The following CSF2RA variants were observed in gnomAD, a reference collection of about 807,000 sequenced individuals.
CSF2RA encodes the protein granulocyte-macrophage colony-stimulating factor receptor subunit alpha.
Under a neutral mutation model 51.6 loss-of-function variants are expected in CSF2RA, and 42 were observed. The observed-to-expected ratio is 0.81, with a 90% CI of 0.64 to 1.05. The LOEUF is 1.05. Among genes scored for constraint, CSF2RA ranks in the 50% least tolerant of loss-of-function variants. CSF2RA has a pLI of 0.00. For missense variants in CSF2RA, 530 were observed against 501.1 expected, an observed-to-expected ratio of 1.06 and a Z score of -0.55; for synonymous variants, 222 against 193.0, an observed-to-expected ratio of 1.15 and a Z score of -1.24.
At chrX:1,316,133 ATAGATAGATGATAGAT>A in the CSF2RA span, among the ~76,000 whole-genome samples, 2 of 150,548 alleles carry the variant, frequency 1.3e-5, no homozygotes, top group African/African-American at 2.5e-5. Context: ...AGACAGATAC[ATAGATAGATGATAGAT>A]TAGATAGATG....
the CSF2RA span, among the ~76,000 whole-genome samples, chrX:1,322,459 T>TTC: frequency 9.4e-4 from 138 of 146,540 alleles, 1 homozygote; most frequent in African/African-American, 3.1e-3. Context: ...TTTTTTTTTT[T>TTC]GAAAGGTAGC....
At chrX:1,314,604 C>A (rs368515966), downstream of CSF2RA, among the ~76,000 whole-genome samples, 1 of 6,368 alleles carries the variant, frequency 1.6e-4, no homozygotes, top group Admixed American at 1.7e-3. Flanking sequence ...CTGCCCAACC[C>A]CACTGCACCT....
chrX:1,316,221 A>G, the CSF2RA span, among the ~76,000 whole-genome samples: 2 of 115,900 alleles, frequency 1.7e-5, no homozygotes, highest in Admixed American at 1.8e-4. Context: ...ACATAGGTAG[A>G]TAGATAGATG....
the CSF2RA span, among the ~76,000 whole-genome samples, chrX:1,323,451 C>G: frequency 1.4e-4 from 21 of 152,196 alleles, no homozygotes; most frequent in Admixed American, 3.9e-4. Flanking sequence ...TCGTCAGTCA[C>G]TAGAGGGCAG....
At position 1,294,506 on chromosome X, in the gene CSF2RA, C is replaced by T. The variant is rs140047222; in HGVS notation, c.780+45C>T. 2,129 of 1,612,050 alleles carry T rather than the reference C, an allele frequency of 1.3e-3. 9 individuals are homozygous for T. Among genetic ancestry groups the T allele is most frequent in the African/African-American group, 0.013 (977 of 74,936 alleles). Reference sequence around the variant, plus strand: ...GGCTGGGCACCAGGAGGGAGGCGTACGGGACACGCCCGCACAGGAGCCTGG... The same window carrying T: ...GGCTGGGCACCAGGAGGGAGGCGTATGGGACACGCCCGCACAGGAGCCTGG... On this transcript the variant is annotated intron_variant, in intron 8 of 12. Transcript: ENST00000381529.
downstream of CSF2RA, among the ~76,000 whole-genome samples, chrX:1,314,268 C>A (rs868047824): frequency 6.3e-5 from 3 of 47,624 alleles, no homozygotes; most frequent in African/African-American, 1.8e-4. Context: ...AACCCCACTG[C>A]GCCTGCCCAA....
At position 1,290,430 on chromosome X, in the gene CSF2RA, C is replaced by T. The variant is rs1219325977; in HGVS notation, c.567C>T (p.Arg189=). Residue 189 remains arginine (R), a synonymous_variant, in exon 7 of 13, where the codon CGC becomes CGT. Transcript: ENST00000381529. ...HLDNLSGLTS[R]NYFLVNGTSR... is the part of the protein sequence containing the mutation. ...ATAACCTGTCAGGATTAACGTCTCG[C>T]AATTACTTTCTGGTTAACGGAACCA... The T allele has an allele frequency of 6.2e-7, 1 of 1,613,706 alleles. No individual in the cohort carries two copies. Among genetic ancestry groups the T allele is most frequent in the African/African-American group, 1.3e-5 (1 of 74,896 alleles).
chrX:1,309,262 C>A, intron 12 of CSF2RA, 140 bp from the exon 13 acceptor site: 1 of 859,844 alleles, frequency 1.2e-6, no homozygotes, highest in Non-Finnish European at 1.9e-6. Flanking sequence ...TTGCAGTGAG[C>A]TGAGATGACA....
At chrX:1,314,243 C>G (rs1186372360), downstream of CSF2RA, among the ~76,000 whole-genome samples, 4,401 of 34,548 alleles carry the variant, frequency 0.13, 217 homozygotes, top group East Asian at 0.23. Context: ...CTGCCCAACC[C>G]CACTGCACCT....
At position 1,300,624 on chromosome X, in the gene CSF2RA, T is replaced by C; in HGVS notation, c.944T>C (p.Phe315Ser). The C allele has an allele frequency of 6.2e-7, 1 of 1,613,794 alleles. No homozygotes were observed. The highest frequency in any genetic ancestry group is 8.5e-7 in the Non-Finnish European group (1 of 1,179,836). Reference protein sequence around the residue: ...NWSSWSEAIEFGSDDGNLGSV... With the variant: ...NWSSWSEAIESGSDDGNLGSV... ...AGCTCCTGGAGTGAAGCCATTGAAT[T>C]TGGTAAGCGTTGGGCGGAGGTAAGG... Residue 315 changes from phenylalanine (F) to serine (S), a missense_variant and splice_region_variant, in exon 10 of 13, where the codon TTT becomes TCT. Coordinates refer to ENST00000381529, the MANE Select transcript of CSF2RA (RefSeq NM_172245.4).
chrX:1,307,351 C>A (rs1202439590), intron 12 of CSF2RA, among the ~76,000 whole-genome samples: 8 of 152,086 alleles, frequency 5.3e-5, no homozygotes, highest in Non-Finnish European at 1.2e-4. Context: ...CACCCTTCCC[C>A]CTTTACACCT....
chrX:1,309,370 G>A (rs777597678), intron 12 of CSF2RA, 32 bp from the exon 13 acceptor site: 2 of 1,605,966 alleles, frequency 1.2e-6, no homozygotes, highest in Admixed American at 1.7e-5. Context: ...AGCTCGTGAA[G>A]ATCTGACAGC....
At chrX:1,287,503 G>C (rs1420548642) in intron 4 of CSF2RA, among the ~76,000 whole-genome samples, 5 of 149,990 alleles carry the variant, frequency 3.3e-5, no homozygotes, top group African/African-American at 4.9e-5. Flanking sequence ...GAGTGCACTG[G>C]CGTGATCTCA....
chrX:1,311,440 TG>T (rs200438383), downstream of CSF2RA, among the ~76,000 whole-genome samples: 62,609 of 135,868 alleles, frequency 0.46, 14,277 homozygotes, highest in East Asian at 0.67. Flanking sequence ...TAAACCTGTT[TG>T]TTTTTTTTTT....
downstream of CSF2RA, among the ~76,000 whole-genome samples, chrX:1,311,582 C>T (rs1194357333): frequency 1.3e-5 from 2 of 151,780 alleles, no homozygotes; most frequent in African/African-American, 4.8e-5. Context: ...TACAGGCGCC[C>T]GCCACCATTC....
Position 1,307,977 on chromosome X carries a change from C to G in CSF2RA, c.1126-1425C>G, listed in dbSNP as rs1459378402. 2.7e-5 allele frequency among the ~76,000 whole-genome samples: 4 copies of G among 149,200 alleles called. No homozygotes were observed. In the Admixed American group the frequency reaches 2.7e-4, roughly 10 times the overall value. The stretch of plus-strand genomic sequence containing the variant: ...CCCCCCTTCCCCTTTAGACCTTCAG[C>G]TTATTAATTAGACAAGGCCCACCCC... On this transcript the variant is annotated intron_variant, in intron 12 of 12. Transcript: ENST00000381529.
chrX:1,316,087 A>AGATAGATAGATAG, the CSF2RA span, among the ~76,000 whole-genome samples: 4 of 133,240 alleles, frequency 3.0e-5, no homozygotes, highest in Admixed American at 7.4e-5. Flanking sequence ...TAGAATAGAT[A>AGATAGATAGATAG]AATGGATAGA....
chrX:1,320,323 C>T, the CSF2RA span, among the ~76,000 whole-genome samples: 3 of 152,034 alleles, frequency 2.0e-5, no homozygotes, highest in African/African-American at 2.4e-5. Flanking sequence ...CCATTGCACC[C>T]GGCTAATGCT....
At chrX:1,312,716 C>T (rs184487236), downstream of CSF2RA, among the ~76,000 whole-genome samples, 480 of 152,200 alleles carry the variant, frequency 3.2e-3, 2 homozygotes, top group Non-Finnish European at 5.5e-3. Context: ...GAGAGAGAGC[C>T]GAGCTTGGGA....
Sources: gnomAD v4.1 joint callset for allele counts (sites outside exome capture counted in the v4.1 genomes callset) on GRCh38, gnomAD v4.1.1 for gene constraint, MANE v1.5 for transcripts, NCBI Gene and HGNC (gene_info 2026-07-23, HGNC 2026-07-21) for gene names.